Variants in DACT2 observed in about 807,000 individuals in gnomAD.
DACT2 encodes the protein dishevelled binding antagonist of beta catenin 2.
DACT2 carries 20 observed loss-of-function variants against 22.2 expected under a neutral mutation model. The ratio of observed to expected loss-of-function variants is 0.90; its 90% confidence interval spans 0.63 to 1.31. The LOEUF (loss-of-function observed/expected upper bound fraction) is 1.31. Among genes scored for constraint, DACT2 ranks in the 50% most tolerant of loss-of-function variants. The pLI, the probability that DACT2 is intolerant of heterozygous loss-of-function variation, is 0.00. For missense variants in DACT2, 1,048 were observed against 1,061.4 expected (o/e 0.99, Z 0.18); for synonymous variants, 463 against 479.8 (o/e 0.96, Z 0.46).
Position 168,308,467 on chromosome 6 carries a change from G to A in DACT2, c.1290C>T (p.Ser430=), listed in dbSNP as rs41266321. 124,533 of 1,551,642 alleles carry A rather than the reference G, an allele frequency of 0.08. 5,553 individuals carry two copies. Among genetic ancestry groups the A allele is most frequent in the Middle Eastern group, 0.094 (563 of 5,992 alleles). The change falls in exon 4 of 4, where the codon AGC becomes AGT. Residue 430 remains serine (S), a synonymous_variant. Transcript: ENST00000366795. ...LPEEGSKPSN[S]CVLRETMVQA... ...GCACCATGGTCTCCCTGAGGACACA[G>A]CTGTTTGAGGGCTTGGAGCCCTCCT...
chr6:168,310,092 C>G (rs1779355170), intron 3 of DACT2, 76 bp downstream of exon 3: 1 of 1,519,104 alleles, frequency 6.6e-7, no homozygotes, highest in Non-Finnish European at 8.8e-7. Context: ...CGGCTCTGCC[C>G]TCAGCAGCTG....
chr6:168,311,568 A>AC (rs1562498466), intron 1 of DACT2, among the ~76,000 whole-genome samples: 4,982 of 146,118 alleles, frequency 0.034, 352 homozygotes, highest in African/African-American at 0.12. Context: ...ACTCACACAC[A>AC]AACACACACA....
chr6:168,311,318 T>C (rs1779392235), intron 1 of DACT2, 34 bp from the exon 2 acceptor site: 6 of 1,516,772 alleles, frequency 4.0e-6, no homozygotes, highest in Non-Finnish European at 5.4e-6. Flanking sequence ...GGAACTGTTG[T>C]ACCTATGGAA....
intron 4 of DACT2, among the ~76,000 whole-genome samples, chr6:168,294,384 G>A (rs368681559): frequency 1.3e-5 from 2 of 151,776 alleles, no homozygotes; most frequent in African/African-American, 2.4e-5. Flanking sequence ...GGTGCAGCCC[G>A]TGGGCGGAGC....
At chr6:168,318,774 T>C (rs1779574843) in intron 1 of DACT2, among the ~76,000 whole-genome samples, 1 of 152,090 alleles carries the variant, frequency 6.6e-6, no homozygotes, top group South Asian at 2.1e-4. Flanking sequence ...CTCCTCTGGA[T>C]CAGAGGACAC....
intron 5 of DACT2, chr6:168,294,099 C>T (rs1348078168): frequency 4.3e-6 from 3 of 702,892 alleles, no homozygotes; most frequent in East Asian, 5.4e-5. Context: ...CAGCTAGACC[C>T]GAAGCACACA....
Position 168,308,134 on chromosome 6 carries a change from T to A in DACT2, c.1623A>T (p.Thr541=). Residue 541 remains threonine (T), a synonymous_variant, in exon 4 of 4, where the codon ACA becomes ACT. Transcript: ENST00000366795. ...GCCTCCGCTGGAGCCCGCCCCTCCC[T>A]GTGGGCCAGTGGGCAGGGTCCCACT... The part of the protein sequence containing the change: ...SLEWDPAHWP[T]GRGGLQRRPA... The A allele has an allele frequency of 6.5e-7, 1 of 1,548,918 alleles. No homozygotes were observed.
chr6:168,295,194 G>A lies in DACT2; in HGVS notation c.659-490C>T, dbSNP rs574862323. On this transcript the variant is annotated intron_variant, in intron 3 of 5. Coordinates refer to the DACT2 transcript ENST00000366796. ...CTGAGGATCAGGTGGGCAAATCTGT[G>A]AATTCACAGCTCAATATTGGGTAGC... Among the ~76,000 whole-genome samples the A allele has an allele frequency of 4.6e-5, 7 of 152,342 alleles. No homozygotes were observed. In the East Asian group the frequency reaches 9.6e-4, roughly 21 times the overall value.
At chr6:168,294,577 G>GTGTGTA (rs1177617130) in intron 4 of DACT2, 94 of 124,444 alleles carry the variant, frequency 7.6e-4, no homozygotes, top group African/African-American at 2.4e-3. Flanking sequence ...GTGTGTGTGT[G>GTGTGTA]TATATATATA....
intron 1 of DACT2, among the ~76,000 whole-genome samples, chr6:168,311,697 C>T (rs1482327175): frequency 2.0e-5 from 3 of 152,140 alleles, no homozygotes; most frequent in African/African-American, 7.2e-5. Context: ...CACACACATA[C>T]ACACATGGGT....
chr6:168,307,369 C>T lies in DACT2; in HGVS notation c.*63G>A. 3.9e-6 allele frequency: 6 copies of T among 1,536,740 alleles called. No homozygotes were observed. The highest frequency in any genetic ancestry group is 2.1e-5 in the Admixed American group (1 of 48,374). ...GACGACACTGAAACCCAGACATGCACAGGACACTGCATGGAAAGGGCCCCT... is the reference window on the plus strand; with the variant it reads ...GACGACACTGAAACCCAGACATGCATAGGACACTGCATGGAAAGGGCCCCT... On this transcript the variant is annotated 3_prime_UTR_variant, in exon 4 of 4. Coordinates refer to ENST00000366795, the MANE Select transcript of DACT2 (RefSeq NM_214462.5). This position sits in a 1 kb window ranked among gnomAD's most constrained non-coding sequence, Gnocchi z 5.3.
chr6:168,314,742 C>G (rs944496599), intron 1 of DACT2, among the ~76,000 whole-genome samples: 3 of 152,126 alleles, frequency 2.0e-5, no homozygotes, highest in Non-Finnish European at 4.4e-5. Flanking sequence ...ATCTGAAACA[C>G]CTCCTTTCTA....
rs532676638 is a variant in DACT2, at chr6:168,308,193, C to G, written c.1564G>C (p.Glu522Gln). The G allele has an allele frequency of 3.2e-6, 5 of 1,551,588 alleles. No homozygotes were observed. In the Admixed American group the frequency reaches 7.8e-5, roughly 24 times the overall value. Residue 522 changes from glutamate (E) to glutamine (Q), a missense_variant, in exon 4 of 4, where the codon GAG becomes CAG. Transcript: ENST00000366795. ...RQPLLLLDRP[E>Q]GAHAAPQPSL... Reference sequence around the variant, plus strand: ...GGCTGGGGGGCTGCATGGGCTCCCTCAGGCCTGTCCAGTAGAAGCAGCGGC... The same window carrying G: ...GGCTGGGGGGCTGCATGGGCTCCCTGAGGCCTGTCCAGTAGAAGCAGCGGC...
At position 168,307,749 on chromosome 6, in the gene DACT2, A is replaced by T. The variant is rs372636178; in HGVS notation, c.2008T>A (p.Cys670Ser). Reference sequence around the variant, plus strand: ...ATGACTGACGGGAACCGCGGGTCACACTCGGCCGAGTGCTTGGAGGGCTCT... The same window carrying T: ...ATGACTGACGGGAACCGCGGGTCACTCTCGGCCGAGTGCTTGGAGGGCTCT... ...DSEPSKHSAE[C>S]DPRFPSVIPE... is the part of the protein sequence containing the mutation. Residue 670 changes from cysteine to serine, a missense_variant, in exon 4 of 4, where the codon TGT becomes AGT. Physicochemically the swap from Cys to Ser is moderately radical, Grantham distance 112. Coordinates refer to ENST00000366795, the MANE Select transcript of DACT2 (RefSeq NM_214462.5). The surrounding 1 kb of genome is among the most constrained non-coding windows in gnomAD (Gnocchi z 5.3). The T allele has an allele frequency of 2.6e-6, 4 of 1,547,948 alleles. No homozygotes were observed. The highest frequency in any genetic ancestry group is 2.7e-5 in the African/African-American group (2 of 73,058).
At chr6:168,294,350 T>C (rs9456037) in intron 4 of DACT2, among the ~76,000 whole-genome samples, 1 of 151,830 alleles carries the variant, frequency 6.6e-6, no homozygotes, top group Non-Finnish European at 1.5e-5. Context: ...CTCCTAGTCC[T>C]TCCCTACCTG....
rs766517269 is a variant in DACT2 at position 168,308,722 on chromosome 6, G to C, written c.1035C>G (p.Thr345=). 2.6e-5 allele frequency: 41 copies of C among 1,550,090 alleles called. No individual in the cohort carries two copies. Among genetic ancestry groups the C allele is most frequent in the Non-Finnish European group, 3.2e-5 (37 of 1,146,908 alleles). ...DRLLHLWGRE[T]PAKGSEGEQG... ...GTTCTCCCTCGCTACCCTTTGCTGG[G>C]GTCTCCCGGCCCCACAGATGCAGCA... is the stretch of plus-strand genomic sequence containing the variant. Residue 345 remains threonine, a synonymous_variant, in exon 4 of 4, where the codon ACC becomes ACG. Transcript: ENST00000366795.
intron 3 of DACT2, among the ~76,000 whole-genome samples, chr6:168,294,862 A>G (rs1223347882): frequency 6.6e-6 from 1 of 152,164 alleles, no homozygotes; most frequent in Admixed American, 6.5e-5. Context: ...CATGCCCACA[A>G]TTTAAAATTT....
intron 1 of DACT2, among the ~76,000 whole-genome samples, chr6:168,315,141 C>T (rs375800565): frequency 6.6e-6 from 1 of 152,312 alleles, no homozygotes. Context: ...TTGCAAGCTG[C>T]CACTTTCAGA....
rs1323743041 is a variant in DACT2, at chr6:168,309,267, A to G, written c.659-169T>C. 2.0e-5 allele frequency among the ~76,000 whole-genome samples: 3 copies of G among 152,222 alleles called. No homozygotes were observed. The East Asian group carries it at 5.8e-4, about 29-fold the overall frequency. ...CTCACAGTCACTGAGGTCCGCGTGT[A>G]GACACAGGGCGCGGGGCAGACGGGA... is the stretch of plus-strand genomic sequence containing the variant. On this transcript the variant is annotated intron_variant, in intron 3 of 3. Transcript: ENST00000366795.
Sources: allele counts gnomAD v4.1 joint callset (sites outside exome capture counted in the v4.1 genomes callset), GRCh38; gene constraint gnomAD v4.1.1; non-coding constraint Gnocchi (gnomAD v3.1); transcripts MANE v1.5; gene names NCBI Gene and HGNC (gene_info 2026-07-23, HGNC 2026-07-21).